RIPOR3: variants seen among roughly 807,000 people sequenced by gnomAD.
RIPOR3 encodes family with sequence similarity 65 member C.
A neutral mutation model predicts 114.3 loss-of-function variants in RIPOR3; 95 were observed. The observed-to-expected ratio is 0.83, with a 90% CI of 0.70 to 0.99. RIPOR3 has a LOEUF of 0.99. Among genes scored for constraint, RIPOR3 ranks in the 50% least tolerant of loss-of-function variants. The pLI is 0.00. For synonymous variants in RIPOR3, 575 were observed against 543.8 expected (o/e 1.06, Z -0.80); for missense variants, 1,252 against 1,266.9 (o/e 0.99, Z 0.18).
At chr20:50,627,802 A>C (rs1310978469) in intron 2 of RIPOR3, among the ~76,000 whole-genome samples, 3 of 152,264 alleles carry the variant, frequency 2.0e-5, no homozygotes, top group Non-Finnish European at 2.9e-5. Context: ...GACACCCACA[A>C]AAATTTCTAG....
intron 1 of RIPOR3, among the ~76,000 whole-genome samples, chr20:50,682,086 AAACTTGAGAC>A (rs1386909190): frequency 2.6e-5 from 4 of 152,240 alleles, no homozygotes; most frequent in Non-Finnish European, 5.9e-5. Flanking sequence ...TTCCAGGTAC[AAACTTGAGAC>A]ACACTCCTGT....
At chr20:50,592,219 T>A in intron 19 of RIPOR3, 125 bp downstream of exon 19, 1 of 987,918 alleles carries the variant, frequency 1.0e-6, no homozygotes, top group Non-Finnish European at 1.4e-6. Flanking sequence ...GGTCCCTCCA[T>A]CAAAATAGCT....
chr20:50,668,521 C>A (rs1255208258), intron 1 of RIPOR3, among the ~76,000 whole-genome samples: 3 of 152,178 alleles, frequency 2.0e-5, no homozygotes, highest in African/African-American at 7.2e-5. Context: ...TTCCCACACA[C>A]ACCCACACAA....
At chr20:50,686,547 G>A (rs1488224566) in intron 1 of RIPOR3, among the ~76,000 whole-genome samples, 2 of 151,746 alleles carry the variant, frequency 1.3e-5, no homozygotes, top group Non-Finnish European at 2.9e-5. Flanking sequence ...TCAGGAGTTC[G>A]AGACCAGCCT....
In RIPOR3 at chr20:50,691,187, T is replaced by C. The variant is rs557791385; in HGVS notation, c.-59A>G. The C allele has an allele frequency of 1.0e-5, 13 of 1,289,302 alleles. 1 individual carries two copies. The African/African-American group carries it at 2.0e-4, about 20-fold the overall frequency. The allele number at this position is 1,289,302 out of a possible 1,614,324, so 79.9% of individuals were successfully genotyped here. ...CGCCCTCCTTGCAGCTGCCTCACTTTCCCTATTGCCGCCAGCAAGCGTCTG... is the reference window on the plus strand; with the variant it reads ...CGCCCTCCTTGCAGCTGCCTCACTTCCCCTATTGCCGCCAGCAAGCGTCTG... On this transcript the variant is annotated 5_prime_UTR_variant, in exon 1 of 22. Coordinates refer to ENST00000327979, the MANE Select transcript of RIPOR3 (RefSeq NM_001290268.2).
chr20:50,630,772 C>CG lies in RIPOR3; in HGVS notation c.87dup (p.Ala30ArgfsTer70). On this transcript the variant is annotated frameshift_variant, in exon 2 of 22. Coordinates refer to ENST00000327979, the MANE Select transcript of RIPOR3 (RefSeq NM_001290268.2). LOFTEE classifies it high-confidence loss of function. The stretch of plus-strand genomic sequence containing the variant: ...CGGCTCTGTGCACTGCTGAAGCCTG[C>CG]GAAGGAGGCGCTCCGGCCCACGACC... 1 of 1,612,256 alleles carries CG rather than the reference C, an allele frequency of 6.2e-7. No individual in the cohort carries two copies. The highest frequency in any genetic ancestry group is 8.5e-7 in the Non-Finnish European group (1 of 1,179,556).
Position 50,595,463 on chromosome 20 carries a change from G to A in RIPOR3, c.1956C>T (p.Cys652=). 1 of 1,614,094 alleles carries A rather than the reference G, an allele frequency of 6.2e-7. No individual in the cohort carries two copies. Among genetic ancestry groups the A allele is most frequent in the South Asian group, 1.1e-5 (1 of 91,084 alleles). The change falls in exon 16 of 22, where the codon TGC becomes TGT. Residue 652 remains cysteine, a synonymous_variant. Transcript: ENST00000327979. ...SPNLSRLVQE[C]LLEEVAQQKH... ...TTTGCTGTGCCACTTCTTCCAGGAG[G>A]CATTCCTGGACCAGCCTTGATAAAT... is the stretch of plus-strand genomic sequence containing the variant.
Position 50,611,188 on chromosome 20 carries a change from A to C in RIPOR3, c.365T>G (p.Leu122Arg). The C allele has an allele frequency of 6.2e-7, 1 of 1,614,172 alleles. No individual in the cohort carries two copies. The highest frequency in any genetic ancestry group is 8.5e-7 in the Non-Finnish European group (1 of 1,180,026). The change falls in exon 5 of 22, where the codon CTG becomes CGG. Residue 122 changes from leucine (L) to arginine (R), a missense_variant. Coordinates refer to ENST00000327979, the MANE Select transcript of RIPOR3 (RefSeq NM_001290268.2). ...RNSRLAFYYD[L>R]DKQTRCVERH... Reference sequence around the variant, plus strand: ...CACCGTATGCAGACTCACCTTGTCCAGGTCATAATAGAAAGCCTGTGAGGG... The same window carrying C: ...CACCGTATGCAGACTCACCTTGTCCCGGTCATAATAGAAAGCCTGTGAGGG...
chr20:50,664,839 C>T (rs1421576667), intron 1 of RIPOR3, among the ~76,000 whole-genome samples: 5 of 152,144 alleles, frequency 3.3e-5, no homozygotes, highest in South Asian at 4.2e-4. Context: ...CGGTGGCTCA[C>T]ACCTGTAATC....
At chr20:50,673,773 G>A (rs1159360083) in intron 1 of RIPOR3, among the ~76,000 whole-genome samples, 1 of 152,236 alleles carries the variant, frequency 6.6e-6, no homozygotes, top group Non-Finnish European at 1.5e-5. Flanking sequence ...AAACAGCCTT[G>A]TCCTGCCAGG....
At chr20:50,599,182 C>G (rs2904273) in intron 13 of RIPOR3, among the ~76,000 whole-genome samples, 4 of 151,812 alleles carry the variant, frequency 2.6e-5, no homozygotes, top group Admixed American at 2.0e-4. Context: ...ACCTGATGTC[C>G]GGAGTTCAAG....
intron 11 of RIPOR3, among the ~76,000 whole-genome samples, chr20:50,606,132 G>C (rs2083705799): frequency 1.3e-5 from 2 of 152,348 alleles, no homozygotes; most frequent in Admixed American, 6.5e-5. Context: ...CTTAAATCTG[G>C]GAGGCAGATG....
intron 1 of RIPOR3, among the ~76,000 whole-genome samples, chr20:50,646,921 C>T (rs1044864338): frequency 1.3e-5 from 2 of 152,110 alleles, no homozygotes; most frequent in African/African-American, 4.8e-5. Flanking sequence ...ATAAAGATCA[C>T]CAGGGAAAGA....
chr20:50,622,362 A>C (rs1419970693), intron 2 of RIPOR3, among the ~76,000 whole-genome samples: 2 of 151,982 alleles, frequency 1.3e-5, no homozygotes, highest in Admixed American at 6.6e-5. Context: ...TTGTATTTTT[A>C]GTAGAGACAG....
At position 50,587,879 on chromosome 20, in the gene RIPOR3, A is replaced by T. The variant is rs761820920; in HGVS notation, c.2675T>A (p.Ile892Asn). The change falls in exon 21 of 22, where the codon ATC becomes AAC. Residue 892 changes from isoleucine to asparagine, a missense_variant. Ile to Asn is a moderately radical substitution (Grantham distance 149). Transcript: ENST00000327979. ...ALKHLKGIES[I>N]DQTASLCQSD... ...CTGGCACAGGCTGGCAGTCTGGTCG[A>T]TGCTTTCAATGCCCTGTTCGAGATT... The T allele has an allele frequency of 1.9e-6, 3 of 1,614,106 alleles. No homozygotes were observed. The South Asian group carries it at 3.3e-5, about 18-fold the overall frequency.
Position 50,602,274 on chromosome 20 carries a change from C to A in RIPOR3, c.1457G>T (p.Gly486Val), listed in dbSNP as rs369361044. Reference protein sequence around the residue: ...LGGESPSLPQGSLFHSGTASS... With the variant: ...LGGESPSLPQVSLFHSGTASS... ...GGCTGTGCCGCTGTGGAACAGGGAGCCCTGTGGCAGGCTGGGGCTCTCCCC... is the reference window on the plus strand; with the variant it reads ...GGCTGTGCCGCTGTGGAACAGGGAGACCTGTGGCAGGCTGGGGCTCTCCCC... Residue 486 changes from glycine to valine, a missense_variant, in exon 13 of 22, where the codon GGC becomes GTC. Transcript: ENST00000327979. This position sits in a 1 kb window ranked among gnomAD's most constrained non-coding sequence, Gnocchi z 4.3. 5.2e-5 allele frequency: 84 copies of A among 1,613,982 alleles called. No homozygotes were observed. Among genetic ancestry groups the A allele is most frequent in the East Asian group, 4.2e-4 (19 of 44,882 alleles).
chr20:50,612,124 C>CA (rs542382125), intron 4 of RIPOR3, among the ~76,000 whole-genome samples: 5,576 of 88,848 alleles, frequency 0.063, 214 homozygotes, highest in African/African-American at 0.13. Flanking sequence ...GACTCCATCT[C>CA]AAAAAAAAAA....
At chr20:50,608,255 G>C in intron 11 of RIPOR3, 134 bp downstream of exon 11, 1 of 1,256,902 alleles carries the variant, frequency 8.0e-7, no homozygotes, top group South Asian at 1.4e-5. Context: ...GTGGGAGTGA[G>C]GGACAGATGA....
chr20:50,684,698 C>T (rs1234746832), intron 1 of RIPOR3, among the ~76,000 whole-genome samples: 6 of 152,194 alleles, frequency 3.9e-5, no homozygotes, highest in Non-Finnish European at 8.8e-5. Flanking sequence ...CCGCTGGGAC[C>T]AGGGTGGAGG....
Sources: gnomAD v4.1 joint callset for allele counts (sites outside exome capture counted in the v4.1 genomes callset) on GRCh38, gnomAD v4.1.1 for gene constraint, Gnocchi (gnomAD v3.1) non-coding constraint, MANE v1.5 for transcripts, NCBI Gene and HGNC (gene_info 2026-07-23, HGNC 2026-07-21) for gene names.